FUT9: variants seen among roughly 807,000 people sequenced by gnomAD.
FUT9 encodes fucosyltransferase 9, also known as 4-galactosyl-N-acetylglucosaminide 3-alpha-L-fucosyltransferase 9.
In FUT9, 15 loss-of-function variants were observed where a neutral mutation model predicts 29.7. The ratio of observed to expected loss-of-function variants is 0.51; its 90% CI spans 0.34 to 0.78. The LOEUF (loss-of-function observed/expected upper bound fraction) is 0.78, where lower values mean the gene tolerates loss of function less well. Ranked by LOEUF, FUT9 falls within the 30% of genes least tolerant of loss-of-function variation. The pLI, the probability that FUT9 is intolerant of heterozygous loss-of-function variation, is 0.01. For synonymous variants in FUT9, 169 were observed against 153.7 expected (o/e 1.10, Z -0.74); for missense variants, 319 against 425.4 (o/e 0.75, Z 2.20).
chr6:96,038,058 G>A (rs1463979113), intron 1 of FUT9, among the ~76,000 whole-genome samples: 6 of 152,070 alleles, frequency 3.9e-5, no homozygotes, highest in South Asian at 4.1e-4. Context: ...GTGATGCTTC[G>A]GAGCGTTGCC....
chr6:96,187,949 A>G (rs981362448), intron 2 of FUT9, among the ~76,000 whole-genome samples: 1 of 152,116 alleles, frequency 6.6e-6, no homozygotes, highest in African/African-American at 2.4e-5. Flanking sequence ...GCCTTGGATC[A>G]GCAATTAATG....
At position 96,205,051 on chromosome 6, in the gene FUT9, A is replaced by G. The variant is rs1421726120; in HGVS notation, c.*816A>G. ...ATAAAACAAATAATTTCCTCAAATAACAAAGAAAAATGATACCTATAAATA... is the reference window on the plus strand; with the variant it reads ...ATAAAACAAATAATTTCCTCAAATAGCAAAGAAAAATGATACCTATAAATA... On this transcript the variant is annotated 3_prime_UTR_variant, in exon 3 of 3. Coordinates refer to ENST00000302103, the MANE Select transcript of FUT9 (RefSeq NM_006581.4). The G allele has an allele frequency of 6.0e-6, 1 of 166,512 alleles. No individual in the cohort carries two copies. The highest frequency in any genetic ancestry group is 1.5e-5 in the Non-Finnish European group (1 of 68,076). The allele number at this position is 166,512 out of a possible 1,614,324, so 10.3% of individuals were successfully genotyped here.
At chr6:96,153,712 T>G (rs998421582) in intron 2 of FUT9, among the ~76,000 whole-genome samples, 2 of 152,204 alleles carry the variant, frequency 1.3e-5, no homozygotes, top group African/African-American at 4.8e-5. Flanking sequence ...CCTCCTGAGA[T>G]CTCTCATTTA....
At position 96,155,793 on chromosome 6, in the gene FUT9, A is replaced by G. The variant is rs1043623683; in HGVS notation, c.-9+41666A>G. Among the ~76,000 whole-genome samples, 8 of 152,290 alleles carry G rather than the reference A, an allele frequency of 5.3e-5. No homozygotes were observed. The South Asian group carries it at 1.7e-3, about 32-fold the overall frequency. On this transcript the variant is annotated intron_variant, in intron 2 of 2. Transcript: ENST00000302103. ...GGCAGCAATAGGGCAGCCATCTGCA[A>G]GCCAAGAAAGAGTCTCAGAAGGACC... is the stretch of plus-strand genomic sequence containing the variant.
chr6:96,143,785 G>T (rs1305604045), intron 2 of FUT9, among the ~76,000 whole-genome samples: 1 of 152,168 alleles, frequency 6.6e-6, no homozygotes, highest in African/African-American at 2.4e-5. Context: ...TGTTTGCACA[G>T]AGGTAAGTGG....
At chr6:96,185,700 C>T (rs897699899) in intron 2 of FUT9, among the ~76,000 whole-genome samples, 3 of 152,082 alleles carry the variant, frequency 2.0e-5, no homozygotes, top group Admixed American at 6.6e-5. Context: ...GTCTTTTCCA[C>T]TCTGGTGGGA....
intron 2 of FUT9, among the ~76,000 whole-genome samples, chr6:96,143,908 C>G (rs923799583): frequency 2.0e-5 from 2 of 98,410 alleles, no homozygotes; most frequent in South Asian, 8.4e-4. Context: ...CACCCAACTG[C>G]TTTTAATTTT....
At chr6:96,142,207 G>T (rs960399063) in intron 2 of FUT9, among the ~76,000 whole-genome samples, 1 of 152,092 alleles carries the variant, frequency 6.6e-6, no homozygotes, top group African/African-American at 2.4e-5. Flanking sequence ...CAAATTTCTA[G>T]GTCCTGAAGT....
intron 2 of FUT9, among the ~76,000 whole-genome samples, chr6:96,140,636 G>T (rs1045631175): frequency 1.6e-4 from 24 of 152,184 alleles, no homozygotes; most frequent in Middle Eastern, 3.2e-3. Flanking sequence ...GAGGAGCAAA[G>T]GCACATCTTA....
intron 2 of FUT9, among the ~76,000 whole-genome samples, chr6:96,179,742 C>T (rs1245510574): frequency 2.0e-5 from 2 of 101,144 alleles, no homozygotes; most frequent in African/African-American, 6.2e-5. Flanking sequence ...CACTTATTCC[C>T]AAAGAGAACA....
At chr6:96,186,694 A>T (rs1045469389) in intron 2 of FUT9, among the ~76,000 whole-genome samples, 1 of 152,146 alleles carries the variant, frequency 6.6e-6, no homozygotes, top group African/African-American at 2.4e-5. Context: ...AGTGGTTTGA[A>T]GGCCTGAAAC....
chr6:96,027,979 A>T (rs529938607), intron 1 of FUT9, among the ~76,000 whole-genome samples: 331 of 151,762 alleles, frequency 2.2e-3, no homozygotes, highest in African/African-American at 7.5e-3. Flanking sequence ...CTTAGAACTT[A>T]TAAAATATGT....
chr6:96,194,002 A>G (rs1415941686), intron 2 of FUT9, among the ~76,000 whole-genome samples: 2 of 152,200 alleles, frequency 1.3e-5, no homozygotes, highest in Non-Finnish European at 2.9e-5. Context: ...GAATTGAACA[A>G]TGAGAACACT....
chr6:96,032,174 T>A (rs1387284765), intron 1 of FUT9, among the ~76,000 whole-genome samples: 1 of 151,674 alleles, frequency 6.6e-6, no homozygotes, highest in South Asian at 2.1e-4. Context: ...TATGATAATC[T>A]ACAGGAGAAA....
chr6:96,207,451 A>C lies in FUT9; in HGVS notation c.*3216A>C, dbSNP rs1773853964. ...ACTTCGACTTTTGAAGGTATACAATAAATAAAACATCAAACTTGTTAGCAT... is the reference window on the plus strand; with the variant it reads ...ACTTCGACTTTTGAAGGTATACAATCAATAAAACATCAAACTTGTTAGCAT... On this transcript the variant is annotated 3_prime_UTR_variant, in exon 3 of 3. Transcript: ENST00000302103. 6.0e-6 allele frequency: 1 copy of C among 167,078 alleles called. No homozygotes were observed. The highest frequency in any genetic ancestry group is 2.1e-4 in the South Asian group (1 of 4,834). 10.3% of individuals were successfully genotyped at this position (167,078 alleles called of 1,614,324 possible).
intron 2 of FUT9, among the ~76,000 whole-genome samples, chr6:96,159,439 T>A (rs1161759558): frequency 1.3e-5 from 2 of 152,138 alleles, no homozygotes; most frequent in African/African-American, 4.8e-5. Context: ...CATGAGAAAT[T>A]AGAACATAAA....
intron 1 of FUT9, among the ~76,000 whole-genome samples, chr6:96,108,207 G>A (rs953892510): frequency 1.3e-5 from 2 of 152,006 alleles, no homozygotes; most frequent in Non-Finnish European, 2.9e-5. Flanking sequence ...TTTGGACTGT[G>A]AGGGGAAAAT....
chr6:96,194,477 G>T (rs762178292), intron 2 of FUT9, among the ~76,000 whole-genome samples: 4 of 152,096 alleles, frequency 2.6e-5, no homozygotes, highest in Non-Finnish European at 5.9e-5. Context: ...TACAAGAATT[G>T]ATAGACATTT....
intron 1 of FUT9, among the ~76,000 whole-genome samples, chr6:96,057,099 G>A (rs1043894043): frequency 2.6e-5 from 4 of 152,140 alleles, no homozygotes; most frequent in Non-Finnish European, 5.9e-5. Flanking sequence ...TTGTTTAAAT[G>A]CATTTTTAAA....
Sources: gnomAD v4.1 joint callset for allele counts (sites outside exome capture counted in the v4.1 genomes callset) on GRCh38, gnomAD v4.1.1 for gene constraint, MANE v1.5 for transcripts, NCBI Gene and HGNC (gene_info 2026-07-23, HGNC 2026-07-21) for gene names.